Variants in VTI1A observed in about 807,000 individuals in gnomAD.
VTI1A encodes the protein vesicle transport through interaction with t-SNAREs 1A.
A neutral mutation model predicts 34.9 loss-of-function variants in VTI1A; 22 were observed. The ratio of observed to expected loss-of-function variants is 0.63; its 90% CI spans 0.45 to 0.90. VTI1A has a LOEUF of 0.90. Ranked by LOEUF, VTI1A falls within the 40% of genes least tolerant of loss-of-function variation. The probability of loss-of-function intolerance (pLI) is 0.00; values close to 1 mark genes in which losing one functional copy is unlikely to be tolerated. For missense variants in VTI1A, 268 were observed against 275.6 expected, an observed-to-expected ratio of 0.97 and a Z score of 0.20; for synonymous variants, 87 against 97.3, an observed-to-expected ratio of 0.89 and a Z score of 0.62.
At chr10:112,482,000 C>T (rs1224364320) in intron 3 of VTI1A, among the ~76,000 whole-genome samples, 7 of 151,988 alleles carry the variant, frequency 4.6e-5, no homozygotes, top group Non-Finnish European at 5.9e-5. Flanking sequence ...TAACATAACC[C>T]GTAACTTATG....
At chr10:112,526,438 A>G (rs189192680) in intron 3 of VTI1A, among the ~76,000 whole-genome samples, 5 of 152,166 alleles carry the variant, frequency 3.3e-5, no homozygotes, top group African/African-American at 4.8e-5. Flanking sequence ...GTACGCATGC[A>G]TGCACACATG....
chr10:112,526,432 G>T (rs34787692), intron 3 of VTI1A, among the ~76,000 whole-genome samples: 6 of 151,926 alleles, frequency 3.9e-5, no homozygotes, highest in Admixed American at 3.3e-4. Context: ...ACACATGTAC[G>T]CATGCATGCA....
intron 5 of VTI1A, among the ~76,000 whole-genome samples, chr10:112,613,534 C>T (rs1456307727): frequency 6.6e-6 from 1 of 152,150 alleles, no homozygotes; most frequent in African/African-American, 2.4e-5. Flanking sequence ...TTTCTCTTCT[C>T]CTTCTGCCTT....
intron 7 of VTI1A, among the ~76,000 whole-genome samples, chr10:112,685,055 G>A (rs921901806): frequency 5.3e-5 from 8 of 152,144 alleles, no homozygotes; most frequent in Admixed American, 3.3e-4. Context: ...GTGACATGTT[G>A]TAGGTTTTCT....
At chr10:112,789,001 A>G (rs536679199) in intron 7 of VTI1A, among the ~76,000 whole-genome samples, 114 of 152,280 alleles carry the variant, frequency 7.5e-4, no homozygotes, top group Non-Finnish European at 1.2e-3. Flanking sequence ...ATATCTACAC[A>G]TGATATAAAC....
the VTI1A span, chr10:112,824,655 C>G: frequency 1.3e-5 from 2 of 152,252 alleles, no homozygotes; most frequent in African/African-American, 4.8e-5. Context: ...ACCAGTGGGG[C>G]TCTGGTCTTT....
At chr10:112,593,269 G>A (rs1041613286) in intron 5 of VTI1A, among the ~76,000 whole-genome samples, 2 of 152,198 alleles carry the variant, frequency 1.3e-5, no homozygotes, top group Admixed American at 1.3e-4. Context: ...GTCGGGTGTA[G>A]GCATCAATAT....
chr10:112,612,204 C>T (rs1037042988), intron 5 of VTI1A, among the ~76,000 whole-genome samples: 2 of 152,052 alleles, frequency 1.3e-5, no homozygotes, highest in Non-Finnish European at 2.9e-5. Context: ...TATTATCAAT[C>T]GGGTACCCAA....
At chr10:112,452,468 T>C (rs918001324) in intron 1 of VTI1A, among the ~76,000 whole-genome samples, 1 of 151,002 alleles carries the variant, frequency 6.6e-6, no homozygotes, top group Non-Finnish European at 1.5e-5. Context: ...CTCAGGAGGC[T>C]GAGGCAGGAG....
chr10:112,619,628 T>C (rs892778363), intron 5 of VTI1A, among the ~76,000 whole-genome samples: 2 of 152,218 alleles, frequency 1.3e-5, no homozygotes, highest in Non-Finnish European at 2.9e-5. Context: ...TGCAGAACTT[T>C]CCTCTTTAAT....
intron 5 of VTI1A, among the ~76,000 whole-genome samples, chr10:112,562,807 G>A (rs1851773368): frequency 6.6e-6 from 1 of 152,114 alleles, no homozygotes; most frequent in Non-Finnish European, 1.5e-5. Flanking sequence ...TTCGATAAAA[G>A]TGAATTTTAT....
chr10:112,791,790 A>T (rs1015057997), intron 7 of VTI1A, among the ~76,000 whole-genome samples: 7 of 151,650 alleles, frequency 4.6e-5, no homozygotes, highest in Admixed American at 3.9e-4. Flanking sequence ...TCTGTTCTCT[A>T]ATAAAAAAGC....
rs72146474 is a variant in VTI1A, at chr10:112,765,192, ATGTTTTGTTT to A, written c.561-50076_561-50067del. Among the ~76,000 whole-genome samples, 64 of 151,778 alleles carry A rather than the reference ATGTTTTGTTT, an allele frequency of 4.2e-4. 1 individual carries two copies. Among genetic ancestry groups the A allele is most frequent in the Middle Eastern group, 6.8e-3 (2 of 292 alleles). On this transcript the variant is annotated intron_variant, in intron 7 of 7. Coordinates refer to ENST00000393077, the MANE Select transcript of VTI1A (RefSeq NM_145206.4). The stretch of plus-strand genomic sequence containing the variant: ...CTTGCTTTGTAAATTACTAGTTTGT[ATGTTTTGTTT>A]TGTTTTGTTTTGTTTTGTTTTTTTG...
intron 7 of VTI1A, among the ~76,000 whole-genome samples, chr10:112,711,996 C>T (rs747730166): frequency 1.3e-5 from 2 of 152,172 alleles, no homozygotes; most frequent in Non-Finnish European, 2.9e-5. Flanking sequence ...ATAAGCAGTG[C>T]TTGATGACTC....
chr10:112,684,954 T>G (rs1440358991), intron 7 of VTI1A, among the ~76,000 whole-genome samples: 2 of 152,236 alleles, frequency 1.3e-5, no homozygotes, highest in Admixed American at 6.5e-5. Flanking sequence ...GATCCTACCC[T>G]TCTTAGGAAT....
intron 7 of VTI1A, among the ~76,000 whole-genome samples, chr10:112,795,395 C>T (rs1457730018): frequency 6.6e-6 from 1 of 150,922 alleles, no homozygotes; most frequent in Non-Finnish European, 1.5e-5. Flanking sequence ...TAATTTTTAC[C>T]CTTGTTCTTT....
intron 7 of VTI1A, among the ~76,000 whole-genome samples, chr10:112,703,728 C>A (rs1229319204): frequency 6.6e-6 from 1 of 152,102 alleles, no homozygotes; most frequent in Non-Finnish European, 1.5e-5. Flanking sequence ...AATTCATATT[C>A]AGGTTGTAAC....
chr10:112,678,866 A>C (rs920934646), intron 7 of VTI1A, among the ~76,000 whole-genome samples: 1 of 152,250 alleles, frequency 6.6e-6, no homozygotes, highest in Non-Finnish European at 1.5e-5. Flanking sequence ...ATAGATATAC[A>C]TCACAAACGC....
intron 7 of VTI1A, among the ~76,000 whole-genome samples, chr10:112,803,232 C>T (rs566144117): frequency 1.3e-5 from 2 of 152,118 alleles, no homozygotes; most frequent in Non-Finnish European, 2.9e-5. Context: ...CCATGCCCGG[C>T]TAATTTTGTA....
Sources: gnomAD v4.1 joint callset for allele counts (sites outside exome capture counted in the v4.1 genomes callset) on GRCh38, gnomAD v4.1.1 for gene constraint, MANE v1.5 for transcripts, NCBI Gene and HGNC (gene_info 2026-07-23, HGNC 2026-07-21) for gene names.